MYO16: variants seen among roughly 807,000 people sequenced by gnomAD.
MYO16 encodes unconventional myosin-XVI.
In MYO16, 94 loss-of-function variants were observed where a neutral mutation model predicts 205.3. The observed-to-expected ratio is 0.46, with a 90% CI of 0.39 to 0.54. MYO16 has a LOEUF of 0.54. Ranked by LOEUF, MYO16 falls within the 20% of genes least tolerant of loss-of-function variation. The probability of loss-of-function intolerance (pLI) is 0.00; values close to 1 mark genes in which losing one functional copy is unlikely to be tolerated. For synonymous variants in MYO16, 988 were observed against 954.0 expected (o/e 1.04, Z -0.66); for missense variants, 2,315 against 2,387.5 (o/e 0.97, Z 0.63).
chr13:108,632,319 C>G (rs866719647), intron 1 of MYO16, among the ~76,000 whole-genome samples: 1 of 152,106 alleles, frequency 6.6e-6, no homozygotes, highest in African/African-American at 2.4e-5. Context: ...AGATTTATCA[C>G]CATAGCACGT....
chr13:108,564,814 G>A, the MYO16 span, among the ~76,000 whole-genome samples: 1 of 152,048 alleles, frequency 6.6e-6, no homozygotes, highest in Non-Finnish European at 1.5e-5. Context: ...AATCTGTTTT[G>A]TTTTGATTTT....
intron 4 of MYO16, among the ~76,000 whole-genome samples, chr13:108,749,845 A>G (rs913463886): frequency 1.3e-5 from 2 of 152,246 alleles, no homozygotes; most frequent in African/African-American, 2.4e-5. Context: ...TAGCAGCTTT[A>G]TTCATAATTG....
chr13:108,660,904 C>G (rs1225974656), intron 1 of MYO16, among the ~76,000 whole-genome samples: 2 of 152,082 alleles, frequency 1.3e-5, no homozygotes, highest in Non-Finnish European at 2.9e-5. Context: ...GTGCTTTATG[C>G]TTTAAAGAGG....
intron 16 of MYO16, among the ~76,000 whole-genome samples, chr13:108,925,007 G>A (rs1167500384): frequency 1.3e-5 from 2 of 152,146 alleles, no homozygotes; most frequent in African/African-American, 4.8e-5. Context: ...AATAGAAGGT[G>A]GGAGTTCATG....
intron 6 of MYO16, among the ~76,000 whole-genome samples, chr13:108,794,871 A>G (rs1362706645): frequency 2.0e-5 from 3 of 152,204 alleles, no homozygotes; most frequent in Non-Finnish European, 4.4e-5. Flanking sequence ...CTCCCATGAA[A>G]AAAACATGGT....
At chr13:108,950,154 C>T (rs1456080247) in intron 16 of MYO16, among the ~76,000 whole-genome samples, 1 of 152,054 alleles carries the variant, frequency 6.6e-6, no homozygotes, top group Non-Finnish European at 1.5e-5. Flanking sequence ...AGCTTGACAT[C>T]AAAATCATAA....
chr13:108,652,726 A>G (rs565446491), intron 1 of MYO16, among the ~76,000 whole-genome samples: 1 of 152,356 alleles, frequency 6.6e-6, no homozygotes, highest in East Asian at 1.9e-4. Context: ...GGCATGTACA[A>G]GAACCTCTTC....
intron 32 of MYO16, among the ~76,000 whole-genome samples, chr13:109,145,853 C>T (rs925018904): frequency 3.3e-5 from 5 of 152,162 alleles, no homozygotes; most frequent in South Asian, 2.1e-4. Context: ...ATCAGGAAGA[C>T]AGGGTCTTGA....
At chr13:108,968,420 A>G (rs1883881531) in intron 20 of MYO16, among the ~76,000 whole-genome samples, 1 of 152,132 alleles carries the variant, frequency 6.6e-6, no homozygotes, top group African/African-American at 2.4e-5. Flanking sequence ...GACCAGGCTG[A>G]ACAACATGGC....
intron 28 of MYO16, among the ~76,000 whole-genome samples, chr13:109,105,345 G>A (rs1974015): frequency 0.01 from 1,535 of 152,254 alleles, 22 homozygotes; most frequent in African/African-American, 0.034. Flanking sequence ...GGTCGTGGGC[G>A]CCTGTAATTC....
chr13:108,651,685 A>C (rs2139402381), intron 1 of MYO16, among the ~76,000 whole-genome samples: 2 of 152,344 alleles, frequency 1.3e-5, no homozygotes, highest in Non-Finnish European at 2.9e-5. Flanking sequence ...ATAGCTGTAA[A>C]CTAGTGAAAT....
chr13:108,963,562 C>T (rs137918849), intron 19 of MYO16, among the ~76,000 whole-genome samples: 160 of 152,188 alleles, frequency 1.1e-3, no homozygotes, highest in Middle Eastern at 3.4e-3. Context: ...CTCAACTTGC[C>T]CTCCTTCCAC....
chr13:108,952,115 AAAT>A (rs1883176863), intron 16 of MYO16, among the ~76,000 whole-genome samples: 1 of 1,866 alleles, frequency 5.4e-4, no homozygotes, highest in Admixed American at 3.4e-3. Flanking sequence ...CCATCTCAAT[AAAT>A]AAATAAATAA....
intron 20 of MYO16, among the ~76,000 whole-genome samples, chr13:108,976,405 G>C (rs1394840913): frequency 6.6e-6 from 1 of 152,138 alleles, no homozygotes; most frequent in African/African-American, 2.4e-5. Flanking sequence ...AGCAGGGATT[G>C]AACACAGATA....
At chr13:108,806,645 A>G (rs1339028326) in intron 6 of MYO16, 34 bp from the exon 7 acceptor site, 1 of 1,602,906 alleles carries the variant, frequency 6.2e-7, no homozygotes, top group African/African-American at 1.3e-5. Flanking sequence ...CACTACTTTA[A>G]AAAAATGAAT....
At position 108,928,096 on chromosome 13, in the gene MYO16, G is replaced by A. The variant is rs145699721; in HGVS notation, c.1925+17946G>A. On this transcript the variant is annotated intron_variant, in intron 16 of 34. Coordinates refer to ENST00000457511, the MANE Select transcript of MYO16 (RefSeq NM_001198950.3). ...CACATCTTCCAACAGATGCCGATGC[G>A]CTTGCCTTCTGGGGCTTTTCTCCTT... 6.0e-4 allele frequency among the ~76,000 whole-genome samples: 92 copies of A among 152,286 alleles called. 3 individuals are homozygous for A. The East Asian group carries it at 0.012, about 20-fold the overall frequency.
chr13:109,001,560 A>G (rs938355150), intron 21 of MYO16, among the ~76,000 whole-genome samples: 1 of 152,206 alleles, frequency 6.6e-6, no homozygotes, highest in Non-Finnish European at 1.5e-5. Flanking sequence ...AGAAGACAAA[A>G]TAAACTAGAC....
rs115077340 is a variant in MYO16, at chr13:108,962,061, G to A, written c.2156-363G>A. On this transcript the variant is annotated intron_variant, in intron 18 of 34. Transcript: ENST00000457511. ...TCTCTTTGAAGTTGCCTCGTTAGTC[G>A]CTCCCAGATTTTTAAAAAATACCTT... 2.6e-3 allele frequency among the ~76,000 whole-genome samples: 397 copies of A among 152,124 alleles called. 3 individuals carry two copies. Among genetic ancestry groups the A allele is most frequent in the African/African-American group, 9.2e-3 (382 of 41,482 alleles).
At chr13:108,751,682 A>C (rs978738421) in intron 4 of MYO16, among the ~76,000 whole-genome samples, 70 of 152,282 alleles carry the variant, frequency 4.6e-4, no homozygotes, top group African/African-American at 1.6e-3. Context: ...GTGGCAAGCC[A>C]TACCGATATT....
Sources: allele counts gnomAD v4.1 joint callset (sites outside exome capture counted in the v4.1 genomes callset), GRCh38; gene constraint gnomAD v4.1.1; transcripts MANE v1.5; gene names NCBI Gene and HGNC (gene_info 2026-07-23, HGNC 2026-07-21).